Variants in DESI2 observed in about 807,000 individuals in gnomAD.
DESI2 encodes the protein desumoylating isopeptidase 2, also known as deubiquitinase DESI2.
Under a neutral mutation model 24.1 loss-of-function variants are expected in DESI2, and 10 were observed. The ratio of observed to expected loss-of-function variants is 0.41; its 90% CI spans 0.26 to 0.70. The LOEUF is 0.70. Ranked by LOEUF, DESI2 falls within the 30% of genes least tolerant of loss-of-function variation. The probability of loss-of-function intolerance (pLI) is 0.29; values close to 1 mark genes in which losing one functional copy is unlikely to be tolerated. For missense variants in DESI2, 122 were observed against 234.9 expected (o/e 0.52, Z 3.14); for synonymous variants, 71 against 87.7 (o/e 0.81, Z 1.06).
intron 4 of DESI2, among the ~76,000 whole-genome samples, chr1:244,700,831 G>GTGTTACCATAAGCACCACCAATA (rs1491007484): frequency 4.6e-5 from 7 of 152,188 alleles, no homozygotes; most frequent in African/African-American, 1.7e-4. Flanking sequence ...TAGAATAATA[G>GTGTTACCATAAGCACCACCAATA]TGTTACCATA....
At chr1:244,684,791 A>T (rs1676756636) in intron 1 of DESI2, among the ~76,000 whole-genome samples, 1 of 152,240 alleles carries the variant, frequency 6.6e-6, no homozygotes, top group Admixed American at 6.5e-5. Context: ...TATAGAATAG[A>T]TTCCAGAAGG....
chr1:244,664,021 A>AG (rs1675953226), intron 1 of DESI2, among the ~76,000 whole-genome samples: 1 of 11,750 alleles, frequency 8.5e-5, no homozygotes, highest in South Asian at 6.0e-3. Flanking sequence ...CCGTCTCAGG[A>AG]AAAAAAAAAA....
chr1:244,673,450 C>T (rs1446185725), intron 1 of DESI2, among the ~76,000 whole-genome samples: 1 of 152,222 alleles, frequency 6.6e-6, no homozygotes, highest in Non-Finnish European at 1.5e-5. Context: ...GAATTGTTTT[C>T]TTCTGCTCTT....
intron 1 of DESI2, among the ~76,000 whole-genome samples, chr1:244,656,886 C>T (rs1345676970): frequency 1.3e-5 from 2 of 152,102 alleles, no homozygotes; most frequent in East Asian, 1.9e-4. Context: ...GTGATTCTCC[C>T]GCCTCAGCCT....
intron 1 of DESI2, among the ~76,000 whole-genome samples, chr1:244,683,322 C>CTTTTTTTTTTTTTTTTTT (rs1558660353): frequency 1.3e-5 from 2 of 151,772 alleles, no homozygotes; most frequent in African/African-American, 4.9e-5. Flanking sequence ...TTACTTTTTT[C>CTTTTTTTTTTTTTTTTTT]TTTTTTTGAG....
chr1:244,707,667 T>C lies in DESI2; in HGVS notation c.*1878T>C, dbSNP rs1378803508. 1 of 152,144 alleles carries C rather than the reference T, an allele frequency of 6.6e-6. No individual in the cohort carries two copies. Among genetic ancestry groups the C allele is most frequent in the Non-Finnish European group, 1.5e-5 (1 of 68,038 alleles). The allele number at this position is 152,144 out of a possible 1,614,324, so 9.4% of individuals were successfully genotyped here. A position where few individuals can be genotyped will look rare whatever the true frequency, so the allele number is the denominator to read the frequency against. ...TTTAATAATGTGAGGAGTACAGTGT[T>C]TTCTAATTCATTCAAGTATATATGA... On this transcript the variant is annotated 3_prime_UTR_variant, in exon 5 of 5. Transcript: ENST00000302550.
chr1:244,682,835 C>T (rs990814632), intron 1 of DESI2, among the ~76,000 whole-genome samples: 59 of 144,724 alleles, frequency 4.1e-4, no homozygotes, highest in African/African-American at 1.3e-3. Context: ...CATACAAAAG[C>T]ATGTATATAG....
At chr1:244,682,471 A>G (rs1676651128) in intron 1 of DESI2, among the ~76,000 whole-genome samples, 3 of 152,190 alleles carry the variant, frequency 2.0e-5, no homozygotes, top group African/African-American at 7.2e-5. Context: ...TCAAAACTAT[A>G]TATGAAAAGA....
intron 1 of DESI2, among the ~76,000 whole-genome samples, chr1:244,671,387 A>T (rs1469495688): frequency 6.6e-6 from 1 of 152,152 alleles, no homozygotes; most frequent in Non-Finnish European, 1.5e-5. Context: ...TTTTTCTGCA[A>T]GGCCGGCCCC....
chr1:244,705,520 T>C, intron 4 of DESI2, 36 bp from the exon 5 acceptor site: 1 of 1,555,766 alleles, frequency 6.4e-7, no homozygotes, highest in Non-Finnish European at 8.9e-7. Flanking sequence ...AATCTTAACC[T>C]CTCTTACCTA....
At chr1:244,705,114 A>G (rs1254491899) in intron 4 of DESI2, among the ~76,000 whole-genome samples, 1 of 152,160 alleles carries the variant, frequency 6.6e-6, no homozygotes, top group Non-Finnish European at 1.5e-5. Context: ...GGGAAAGTCA[A>G]AAAGAATCTG....
chr1:244,691,944 T>G lies in DESI2; in HGVS notation c.275T>G (p.Leu92Arg). Residue 92 changes from leucine (L) to arginine (R), a missense_variant, in exon 4 of 5, where the codon CTG becomes CGG. Transcript: ENST00000302550. Reference protein sequence around the residue: ...EDDIEKIVEELGKEYKGNAYH... With the variant: ...EDDIEKIVEERGKEYKGNAYH... Reference sequence around the variant, plus strand: ...GATATAGAAAAAATTGTAGAAGAACTGGGAAAAGAATACAAAGGCAATGCT... The same window carrying G: ...GATATAGAAAAAATTGTAGAAGAACGGGGAAAAGAATACAAAGGCAATGCT... 2 of 1,604,452 alleles carry G rather than the reference T, an allele frequency of 1.2e-6. No homozygotes were observed. The highest frequency in any genetic ancestry group is 8.5e-7 in the Non-Finnish European group (1 of 1,178,006).
rs772596867 is a variant in DESI2, at chr1:244,689,308, A to G, written c.175A>G (p.Asn59Asp). Residue 59 changes from asparagine (N) to aspartate (D), a missense_variant, in exon 3 of 5, where the codon AAT (asparagine) becomes GAT (aspartate). Asn to Asp is a conservative substitution (Grantham distance 23). This residue lies in a region of DESI2 where 16 missense variants were observed against 65.7 expected (regional missense o/e 0.24). Transcript: ENST00000302550. This position sits in a 1 kb window ranked among gnomAD's most constrained non-coding sequence, Gnocchi z 4.0. ...TGGAATATTTGAAATTTCCCCAGGA[A>G]ATGCTTCTGAACTAGGAGAAACATT... Reference protein sequence around the residue: ...FSGIFEISPGNASELGETFKF... With the variant: ...FSGIFEISPGDASELGETFKF... The G allele has an allele frequency of 3.2e-6, 5 of 1,582,288 alleles. No homozygotes were observed. The highest frequency in any genetic ancestry group is 4.5e-5 in the East Asian group (2 of 44,704).
At chr1:244,669,279 G>A (rs1676155609) in intron 1 of DESI2, among the ~76,000 whole-genome samples, 1 of 152,070 alleles carries the variant, frequency 6.6e-6, no homozygotes, top group Admixed American at 6.6e-5. Context: ...TTACAGGCAT[G>A]AGCCACCGTG....
At chr1:244,688,377 A>T (rs931538928) in intron 2 of DESI2, among the ~76,000 whole-genome samples, 12 of 152,286 alleles carry the variant, frequency 7.9e-5, no homozygotes, top group Admixed American at 7.8e-4. Flanking sequence ...AAACTACATC[A>T]TTGCTTTTTT....
chr1:244,683,587 A>G (rs1027004995), intron 1 of DESI2, among the ~76,000 whole-genome samples: 1 of 152,164 alleles, frequency 6.6e-6, no homozygotes, highest in African/African-American at 2.4e-5. Flanking sequence ...CTGGGATTAC[A>G]GGCGTGAGCC....
At chr1:244,698,890 A>T (rs12039753) in intron 4 of DESI2, among the ~76,000 whole-genome samples, 59,176 of 152,184 alleles carry the variant, frequency 0.39, 13,168 homozygotes, top group Middle Eastern at 0.51. Context: ...GACTGATTAC[A>T]TTCCTAACTT....
At chr1:244,670,824 T>G (rs972909476) in intron 1 of DESI2, among the ~76,000 whole-genome samples, 2 of 152,222 alleles carry the variant, frequency 1.3e-5, no homozygotes, top group African/African-American at 2.4e-5. Flanking sequence ...GTCTCCCAAC[T>G]CAGTCTAATT....
intron 1 of DESI2, among the ~76,000 whole-genome samples, chr1:244,672,862 G>A (rs6665187): frequency 0.11 from 15,415 of 138,874 alleles, 1,300 homozygotes; most frequent in African/African-American, 0.25. Flanking sequence ...GGGTGACAGC[G>A]AGACTCTGTC....
Sources: gnomAD v4.1 joint callset for allele counts (sites outside exome capture counted in the v4.1 genomes callset) on GRCh38, gnomAD v4.1.1 for gene constraint, gnomAD v4.1.1 regional missense constraint, Gnocchi (gnomAD v3.1) non-coding constraint, MANE v1.5 for transcripts, NCBI Gene and HGNC (gene_info 2026-07-23, HGNC 2026-07-21) for gene names.